The following ANP32A variants were observed in gnomAD, a reference collection of about 807,000 sequenced individuals.
ANP32A encodes acidic nuclear phosphoprotein 32 family member A.
In ANP32A, 1 loss-of-function variant was observed where a neutral mutation model predicts 33.9. The ratio of observed to expected loss-of-function variants is 0.03; its 90% CI spans 0.01 to 0.14. ANP32A has a LOEUF of 0.14. Ranked by LOEUF, ANP32A falls within the 10% of genes least tolerant of loss-of-function variation. ANP32A has a pLI of 1.00. For synonymous variants in ANP32A, 115 were observed against 120.5 expected, an observed-to-expected ratio of 0.95 and a Z score of 0.30; for missense variants, 155 against 306.0, an observed-to-expected ratio of 0.51 and a Z score of 3.68.
In ANP32A at chr15:68,780,515, C is replaced by G; in HGVS notation, c.625-42G>C. On this transcript the variant is annotated intron_variant, in intron 5 of 6. Coordinates refer to ENST00000465139, the MANE Select transcript of ANP32A (RefSeq NM_006305.4). The surrounding 1 kb of genome is among the most constrained non-coding windows in gnomAD (Gnocchi z 4.3). ...ACACCAGAACATTAGAAATGCCCTG[C>G]CTTGGGACATGCTGAGGAAGCCACA... 2 of 1,612,708 alleles carry G rather than the reference C, an allele frequency of 1.2e-6. No homozygotes were observed. The highest frequency in any genetic ancestry group is 1.7e-6 in the Non-Finnish European group (2 of 1,179,280).
chr15:68,799,170 T>C (rs1333849098), intron 1 of ANP32A, among the ~76,000 whole-genome samples: 1 of 152,186 alleles, frequency 6.6e-6, no homozygotes, highest in African/African-American at 2.4e-5. Context: ...TAGCAGTATA[T>C]GTTAACTCCA....
chr15:68,791,628 G>A (rs1893998993), intron 1 of ANP32A: 1 of 152,710 alleles, frequency 6.5e-6, no homozygotes, highest in Admixed American at 6.5e-5. Context: ...CAAATAGCAA[G>A]AGGTTGCTTC....
intron 1 of ANP32A, among the ~76,000 whole-genome samples, chr15:68,795,572 G>A (rs990143697): frequency 3.9e-5 from 6 of 152,292 alleles, no homozygotes; most frequent in East Asian, 1.9e-4. Flanking sequence ...GTCTCCTCCC[G>A]CGGGTGTGAG....
chr15:68,810,374 A>G (rs939403292), intron 1 of ANP32A, among the ~76,000 whole-genome samples: 1 of 152,178 alleles, frequency 6.6e-6, no homozygotes, highest in African/African-American at 2.4e-5. Flanking sequence ...TTTTAAACAG[A>G]CAAGACTTGT....
chr15:68,786,757 A>T (rs189761214), intron 3 of ANP32A, among the ~76,000 whole-genome samples: 139 of 152,284 alleles, frequency 9.1e-4, no homozygotes, highest in African/African-American at 2.5e-3. Flanking sequence ...CTGGCTGGTA[A>T]ATCAGTGAAG....
Position 68,779,231 on chromosome 15 carries a change from A to C in ANP32A, c.*850T>G, listed in dbSNP as rs1893832849. The C allele has an allele frequency of 6.6e-6, 1 of 152,142 alleles. No homozygotes were observed. Among genetic ancestry groups the C allele is most frequent in the Non-Finnish European group, 1.5e-5 (1 of 68,010 alleles). The allele number at this position is 152,142 out of a possible 1,614,324, so 9.4% of individuals were successfully genotyped here. On this transcript the variant is annotated 3_prime_UTR_variant, in exon 7 of 7. Transcript: ENST00000465139. ...GTCTCCAGCGCTTAGGTCCGTAAAA[A>C]TGTTCTAAGCACAGAAGTACATGTG...
At chr15:68,801,255 GAGA>G (rs922682118) in intron 1 of ANP32A, among the ~76,000 whole-genome samples, 4 of 151,360 alleles carry the variant, frequency 2.6e-5, no homozygotes, top group African/African-American at 9.7e-5. Context: ...AAAAGTGAAG[GAGA>G]AGAAGCTTTA....
chr15:68,807,537 C>CT (rs1020224017), intron 1 of ANP32A, among the ~76,000 whole-genome samples: 5 of 152,008 alleles, frequency 3.3e-5, no homozygotes, highest in African/African-American at 1.2e-4. Context: ...TCTTCTCAGA[C>CT]TTGCTCCCAC....
rs1893830270 is a variant in ANP32A, at chr15:68,779,074, G to A, written c.*1007C>T. 1 of 151,966 alleles carries A rather than the reference G, an allele frequency of 6.6e-6. No individual in the cohort carries two copies. The highest frequency in any genetic ancestry group is 6.5e-5 in the Admixed American group (1 of 15,274). 9.4% of individuals were successfully genotyped at this position (151,966 alleles called of 1,614,324 possible). A position where few individuals can be genotyped will look rare whatever the true frequency, so the allele number is the denominator to read the frequency against. ...TCTAAAGCAACCAGAAGAGGGACAC[G>A]AAAGCAAACCTGTACATTCACTAGG... is the stretch of plus-strand genomic sequence containing the variant. On this transcript the variant is annotated 3_prime_UTR_variant, in exon 7 of 7. Coordinates refer to ENST00000465139, the MANE Select transcript of ANP32A (RefSeq NM_006305.4).
intron 3 of ANP32A, among the ~76,000 whole-genome samples, chr15:68,784,938 G>A (rs1339888594): frequency 3.3e-5 from 5 of 152,160 alleles, no homozygotes. Context: ...TGAGCCAAGA[G>A]GTTTACTGCC....
intron 1 of ANP32A, among the ~76,000 whole-genome samples, chr15:68,800,852 G>C (rs926231411): frequency 6.6e-6 from 1 of 151,518 alleles, no homozygotes; most frequent in African/African-American, 2.4e-5. Context: ...GCTTTCAGCA[G>C]AGACGTAAGG....
chr15:68,812,489 G>T (rs1238139517), intron 1 of ANP32A, among the ~76,000 whole-genome samples: 1 of 152,140 alleles, frequency 6.6e-6, no homozygotes, highest in East Asian at 1.9e-4. Flanking sequence ...GGGGAGAGAA[G>T]CAAGACATAA....
chr15:68,818,943 C>G (rs1360311539), intron 1 of ANP32A, among the ~76,000 whole-genome samples: 1 of 152,168 alleles, frequency 6.6e-6, no homozygotes, highest in Non-Finnish European at 1.5e-5. Flanking sequence ...CCGGCCTCCA[C>G]CGGCGGCGCC....
At position 68,787,817 on chromosome 15, in the gene ANP32A, C is replaced by T; in HGVS notation, c.157G>A (p.Gly53Ser). The part of the protein sequence containing the change: ...ELEFLSTINV[G>S]LTSIANLPKL... ...GGTAAGTTTGCGATTGAGGTGAGGC[C>T]TACGTTGATTGTACTTAAGAATTCC... The change falls in exon 2 of 7, where the codon GGC becomes AGC. Residue 53 changes from glycine (G) to serine (S), a missense_variant. Physicochemically the swap from Gly to Ser is moderately conservative, Grantham distance 56. Transcript: ENST00000465139. 1 of 1,614,148 alleles carries T rather than the reference C, an allele frequency of 6.2e-7. No homozygotes were observed. Among genetic ancestry groups the T allele is most frequent in the Non-Finnish European group, 8.5e-7 (1 of 1,180,036 alleles).
intron 1 of ANP32A, among the ~76,000 whole-genome samples, chr15:68,806,804 G>A (rs7176388): frequency 0.057 from 8,748 of 152,276 alleles, 787 homozygotes; most frequent in African/African-American, 0.19. Context: ...TGGAAGGAAC[G>A]CCTGGGTGGC....
At chr15:68,798,139 G>A (rs1028992967) in intron 1 of ANP32A, among the ~76,000 whole-genome samples, 2 of 152,230 alleles carry the variant, frequency 1.3e-5, no homozygotes, top group Non-Finnish European at 2.9e-5. Flanking sequence ...TGTGGACTGC[G>A]GGAGCTGTCT....
chr15:68,806,519 C>A (rs993934786), intron 1 of ANP32A, among the ~76,000 whole-genome samples: 10 of 152,212 alleles, frequency 6.6e-5, no homozygotes, highest in African/African-American at 2.2e-4. Context: ...CCTCTAGAAG[C>A]CTTCCCAGAC....
intron 1 of ANP32A, among the ~76,000 whole-genome samples, chr15:68,797,476 A>G (rs2924634): frequency 0.91 from 138,230 of 152,110 alleles, 63,114 homozygotes; most frequent in Middle Eastern, 0.97. Context: ...ATCTTCCTAA[A>G]ACGCTGCTTT....
At chr15:68,816,760 G>T (rs1894387901) in intron 1 of ANP32A, among the ~76,000 whole-genome samples, 1 of 152,150 alleles carries the variant, frequency 6.6e-6, no homozygotes, top group Non-Finnish European at 1.5e-5. Context: ...CCTCCTTGTG[G>T]CAGGAGGAAT....
Sources: allele counts gnomAD v4.1 joint callset (sites outside exome capture counted in the v4.1 genomes callset), GRCh38; gene constraint gnomAD v4.1.1; non-coding constraint Gnocchi (gnomAD v3.1); transcripts MANE v1.5; gene names NCBI Gene and HGNC (gene_info 2026-07-23, HGNC 2026-07-21).